The following PCDHGA7 variants were observed in gnomAD, a reference collection of about 807,000 sequenced individuals.
PCDHGA7 encodes protocadherin gamma-A7.
Under a neutral mutation model 58.3 loss-of-function variants are expected in PCDHGA7, and 44 were observed. The observed-to-expected ratio is 0.75, with a 90% confidence interval of 0.59 to 0.97. PCDHGA7 has a LOEUF of 0.97. Among genes scored for constraint, PCDHGA7 ranks in the 50% least tolerant of loss-of-function variants. PCDHGA7 has a pLI of 0.00. For synonymous variants in PCDHGA7, 516 were observed against 504.2 expected (o/e 1.02, Z -0.31); for missense variants, 1,266 against 1,188.7 (o/e 1.06, Z -0.96).
intron 1 of PCDHGA7, among the ~76,000 whole-genome samples, chr5:141,468,041 T>C (rs972340736): frequency 4.6e-5 from 7 of 152,120 alleles, no homozygotes; most frequent in Admixed American, 3.9e-4. Flanking sequence ...TTTAGAAAAC[T>C]AAGCCGGGCA....
intron 1 of PCDHGA7, among the ~76,000 whole-genome samples, chr5:141,438,609 T>TATAC (rs2098013849): frequency 2.4e-5 from 1 of 41,118 alleles, no homozygotes; most frequent in Non-Finnish European, 3.9e-5. Context: ...TATATATATA[T>TATAC]ATATATATAT....
intron 1 of PCDHGA7, chr5:141,395,364 AT>A: frequency 1.6e-6 from 2 of 1,264,440 alleles, no homozygotes; most frequent in Non-Finnish European, 2.1e-6. Context: ...TTTTGGGTTT[AT>A]TTTGGTGGTG....
In PCDHGA7 at chr5:141,476,707, G is replaced by A. The variant is rs1309848893; in HGVS notation, c.2425-18100G>A. 6.2e-7 allele frequency: 1 copy of A among 1,614,206 alleles called. No individual in the cohort carries two copies. The highest frequency in any genetic ancestry group is 1.7e-5 in the Admixed American group (1 of 60,032). On this transcript the variant is annotated intron_variant, in intron 1 of 3. Coordinates refer to ENST00000518325, the MANE Select transcript of PCDHGA7 (RefSeq NM_018920.4). This position sits in a 1 kb window ranked among gnomAD's most constrained non-coding sequence, Gnocchi z 7.6. ...ACAGCACCAAGTACGCGGAGCTGGT[G>A]TTGGAGCGCGCCCTGGACCGAGAAC...
intron 1 of PCDHGA7, among the ~76,000 whole-genome samples, chr5:141,466,614 G>A (rs75804312): frequency 1.4e-3 from 218 of 152,142 alleles, no homozygotes; most frequent in Middle Eastern, 6.8e-3. Context: ...GTAAACTGCC[G>A]TTTTCTTTGG....
chr5:141,507,495 G>A (rs375483743), intron 3 of PCDHGA7, among the ~76,000 whole-genome samples: 5 of 152,352 alleles, frequency 3.3e-5, no homozygotes, highest in East Asian at 3.9e-4. Flanking sequence ...AGGCAGAGCT[G>A]TCCCAGGTCT....
chr5:141,474,358 C>A (rs189724264), intron 1 of PCDHGA7, among the ~76,000 whole-genome samples: 30 of 152,290 alleles, frequency 2.0e-4, no homozygotes, highest in African/African-American at 6.5e-4. Context: ...AGTCATGTCT[C>A]AGTAGGTCTA....
rs1363891858 is a variant in PCDHGA7, at chr5:141,491,369, C to T, written c.2425-3438C>T. 8.7e-6 allele frequency: 14 copies of T among 1,614,110 alleles called. No homozygotes were observed. Among genetic ancestry groups the T allele is most frequent in the East Asian group, 2.2e-5 (1 of 44,866 alleles). On this transcript the variant is annotated intron_variant, in intron 1 of 3. Coordinates refer to ENST00000518325, the MANE Select transcript of PCDHGA7 (RefSeq NM_018920.4). The surrounding 1 kb of genome is among the most constrained non-coding windows in gnomAD (Gnocchi z 6.9). ...AGTCTCTTATCCCTAGTCACCTTCACCTTTCTGTCAGCGAAGTGCCTTCAG... is the reference window on the plus strand; with the variant it reads ...AGTCTCTTATCCCTAGTCACCTTCATCTTTCTGTCAGCGAAGTGCCTTCAG...
chr5:141,410,115 C>T, intron 1 of PCDHGA7: 1 of 1,612,624 alleles, frequency 6.2e-7, no homozygotes. Context: ...AGGGACGCAG[C>T]CCGCCAGCGC....
At chr5:141,451,925 G>A (rs1391178313) in intron 1 of PCDHGA7, among the ~76,000 whole-genome samples, 2 of 152,012 alleles carry the variant, frequency 1.3e-5, no homozygotes, top group East Asian at 3.8e-4. Context: ...AGGAAGGGAG[G>A]TAGGGAGGCA....
chr5:141,390,874 G>C (rs2092257325), intron 1 of PCDHGA7: 1 of 153,302 alleles, frequency 6.5e-6, no homozygotes, highest in Non-Finnish European at 1.4e-5. Context: ...GTGCGTGTGT[G>C]TGTGTGTGTG....
chr5:141,476,238 G>C lies in PCDHGA7; in HGVS notation c.2425-18569G>C, dbSNP rs764976894. ...ATTCACTATGAGATCCCGGAGGAAA[G>C]AGAGAAGGGTTTCGCTGTGGGCAAC... On this transcript the variant is annotated intron_variant, in intron 1 of 3. Coordinates refer to ENST00000518325, the MANE Select transcript of PCDHGA7 (RefSeq NM_018920.4). The surrounding 1 kb of genome is among the most constrained non-coding windows in gnomAD (Gnocchi z 7.6). 1 of 1,614,098 alleles carries C rather than the reference G, an allele frequency of 6.2e-7. No individual in the cohort carries two copies.
rs770093591 is a variant in PCDHGA7 at position 141,486,147 on chromosome 5, G to T, written c.2425-8660G>T. ...GAATTTGATGTGCGGGCTCGCGATG[G>T]GGGTTCTCCAGCCATGGAGCAACAT... On this transcript the variant is annotated intron_variant, in intron 1 of 3. Transcript: ENST00000518325. This position sits in a 1 kb window ranked among gnomAD's most constrained non-coding sequence, Gnocchi z 5.0. The T allele has an allele frequency of 6.2e-7, 1 of 1,614,168 alleles. No individual in the cohort carries two copies. The highest frequency in any genetic ancestry group is 1.7e-5 in the Admixed American group (1 of 60,028).
At chr5:141,409,516 C>T (rs1303826331) in intron 1 of PCDHGA7, 6 of 1,614,006 alleles carry the variant, frequency 3.7e-6, no homozygotes, top group South Asian at 1.1e-5. Context: ...GTAGAAGCAT[C>T]ACCTTGTATG....
At position 141,429,997 on chromosome 5, in the gene PCDHGA7, G is replaced by A. The variant is rs536289272; in HGVS notation, c.2424+44674G>A. Among the ~76,000 whole-genome samples, 3 of 152,240 alleles carry A rather than the reference G, an allele frequency of 2.0e-5. No homozygotes were observed. The East Asian group carries it at 5.8e-4, about 29-fold the overall frequency. On this transcript the variant is annotated intron_variant, in intron 1 of 3. Transcript: ENST00000518325. ...TCTACTTTATGCTAAAAATATTAAT[G>A]TTTCTTTTTCACTTGGGTTCTTGTT... is the stretch of plus-strand genomic sequence containing the variant.
At chr5:141,404,759 T>G (rs1466446291) in intron 1 of PCDHGA7, 1 of 1,613,632 alleles carries the variant, frequency 6.2e-7, no homozygotes, top group Admixed American at 1.7e-5. Flanking sequence ...CCAGAATGCT[T>G]GGCTCTCCTA....
chr5:141,486,552 A>C lies in PCDHGA7; in HGVS notation c.2425-8255A>C. The C allele has an allele frequency of 6.2e-7, 1 of 1,614,136 alleles. No individual in the cohort carries two copies. The highest frequency in any genetic ancestry group is 1.1e-5 in the South Asian group (1 of 91,082). On this transcript the variant is annotated intron_variant, in intron 1 of 3. Coordinates refer to ENST00000518325, the MANE Select transcript of PCDHGA7 (RefSeq NM_018920.4). This position sits in a 1 kb window ranked among gnomAD's most constrained non-coding sequence, Gnocchi z 5.0. The stretch of plus-strand genomic sequence containing the variant: ...CCACCCTCTTTCTTTCAGAGGTCAC[A>C]TGAGGTGTTTGTTCCTGAGAACAAT...
rs781026604 is a variant in PCDHGA7, at chr5:141,490,471, C to G, written c.2425-4336C>G. ...CCACTACTCGCTGCTAACCAGCCAG[C>G]CTTTGGACCGGGAGGCCACATCCCA... On this transcript the variant is annotated intron_variant, in intron 1 of 3. Coordinates refer to ENST00000518325, the MANE Select transcript of PCDHGA7 (RefSeq NM_018920.4). The surrounding 1 kb of genome is among the most constrained non-coding windows in gnomAD (Gnocchi z 5.4). 12 of 1,614,096 alleles carry G rather than the reference C, an allele frequency of 7.4e-6. No homozygotes were observed. The highest frequency in any genetic ancestry group is 1.1e-5 in the South Asian group (1 of 91,092).
At chr5:141,421,979 G>C in intron 1 of PCDHGA7, 1 of 1,609,702 alleles carries the variant, frequency 6.2e-7, no homozygotes, top group Non-Finnish European at 8.5e-7. Flanking sequence ...TATCGCGTGA[G>C]TGTTCCAGAA....
Position 141,486,656 on chromosome 5 carries a change from C to A in PCDHGA7, c.2425-8151C>A. 6.2e-7 allele frequency: 1 copy of A among 1,614,020 alleles called. No homozygotes were observed. Among genetic ancestry groups the A allele is most frequent in the Non-Finnish European group, 8.5e-7 (1 of 1,180,038 alleles). On this transcript the variant is annotated intron_variant, in intron 1 of 3. Transcript: ENST00000518325. This position sits in a 1 kb window ranked among gnomAD's most constrained non-coding sequence, Gnocchi z 5.0. ...GAATGCGCTTATCTCCTACTCACTCCTGGAGCCCAGGAATCGAGATGTATC... is the reference window on the plus strand; with the variant it reads ...GAATGCGCTTATCTCCTACTCACTCATGGAGCCCAGGAATCGAGATGTATC...
Sources: gnomAD v4.1 joint callset for allele counts (sites outside exome capture counted in the v4.1 genomes callset) on GRCh38, gnomAD v4.1.1 for gene constraint, Gnocchi (gnomAD v3.1) non-coding constraint, MANE v1.5 for transcripts, NCBI Gene and HGNC (gene_info 2026-07-23, HGNC 2026-07-21) for gene names.